GLT1D1: variants seen among roughly 807,000 people sequenced by gnomAD.
The protein encoded by GLT1D1 is glycosyltransferase 1 domain containing 1.
GLT1D1 carries 21 observed loss-of-function variants against 28.7 expected under a neutral mutation model. The ratio of observed to expected loss-of-function variants is 0.73; its 90% CI spans 0.52 to 1.05. The LOEUF is 1.05. Among genes scored for constraint, GLT1D1 ranks in the 50% least tolerant of loss-of-function variants. GLT1D1 has a pLI of 0.00. For synonymous variants in GLT1D1, 147 were observed against 124.8 expected, an observed-to-expected ratio of 1.18 and a Z score of -1.19; for missense variants, 343 against 330.6, an observed-to-expected ratio of 1.04 and a Z score of -0.29.
At chr12:128,927,274 T>C (rs1035487316) in intron 4 of GLT1D1, 120 bp downstream of exon 8, 3 of 783,450 alleles carry the variant, frequency 3.8e-6, no homozygotes, top group East Asian at 5.7e-5. Flanking sequence ...AGTCTTGCTC[T>C]GTCCCCCAGG....
At chr12:128,980,985 C>T (rs1880263758) in intron 7 of GLT1D1, among the ~76,000 whole-genome samples, 1 of 152,206 alleles carries the variant, frequency 6.6e-6, no homozygotes, top group African/African-American at 2.4e-5. Flanking sequence ...CTCACGTCTA[C>T]AGGCGCGTGT....
chr12:128,977,830 G>A (rs1454276478), intron 7 of GLT1D1, among the ~76,000 whole-genome samples: 2 of 149,390 alleles, frequency 1.3e-5, no homozygotes, highest in African/African-American at 5.0e-5. Flanking sequence ...CCAGGCTGGG[G>A]TGCAATGAAT....
chr12:128,904,502 A>G (rs1228529808), intron 4 of GLT1D1, among the ~76,000 whole-genome samples: 1 of 151,754 alleles, frequency 6.6e-6, no homozygotes, highest in Non-Finnish European at 1.5e-5. Context: ...CAAATATTGG[A>G]CTCGGGTAAA....
chr12:128,933,198 A>T (rs960018256), intron 4 of GLT1D1, among the ~76,000 whole-genome samples: 5 of 152,328 alleles, frequency 3.3e-5, no homozygotes, highest in African/African-American at 1.2e-4. Context: ...CCATGTGTCA[A>T]TGCTTTACCA....
At chr12:128,944,418 G>A (rs1593169353) in intron 4 of GLT1D1, 1 of 1,297,408 alleles carries the variant, frequency 7.7e-7, no homozygotes, top group East Asian at 2.4e-5. Context: ...GGCTTTGTTT[G>A]GCTTCATAAG....
intron 7 of GLT1D1, among the ~76,000 whole-genome samples, chr12:128,982,724 G>T (rs576500058): frequency 6.6e-6 from 1 of 150,424 alleles, no homozygotes; most frequent in South Asian, 2.1e-4. Flanking sequence ...GTATGTGTGC[G>T]TGTGTGTGTG....
intron 7 of GLT1D1, among the ~76,000 whole-genome samples, chr12:128,959,465 G>A (rs1293963489): frequency 8.5e-6 from 1 of 118,078 alleles, no homozygotes; most frequent in Non-Finnish European, 1.8e-5. Flanking sequence ...GGGTGGTGGG[G>A]GGGCAGCAAG....
At chr12:128,949,990 A>T (rs1005438073) in intron 6 of GLT1D1, among the ~76,000 whole-genome samples, 9 of 152,082 alleles carry the variant, frequency 5.9e-5, no homozygotes, top group Non-Finnish European at 1.5e-5. Flanking sequence ...TTGAAGTGGG[A>T]TGTGAAGGCA....
chr12:128,957,723 G>A, intron 7 of GLT1D1, 80 bp downstream of exon 11: 1 of 955,912 alleles, frequency 1.0e-6, no homozygotes, highest in East Asian at 2.6e-5. Flanking sequence ...GATTCTTTCT[G>A]TTAGCGCTTA....
chr12:128,976,315 C>T (rs1879757880), intron 7 of GLT1D1, among the ~76,000 whole-genome samples: 1 of 152,216 alleles, frequency 6.6e-6, no homozygotes, highest in Admixed American at 6.5e-5. Flanking sequence ...CACCCTCCAC[C>T]CACCCAATCA....
At chr12:128,960,776 T>G (rs76165765) in intron 7 of GLT1D1, among the ~76,000 whole-genome samples, 2 of 150,966 alleles carry the variant, frequency 1.3e-5, no homozygotes, top group Non-Finnish European at 2.9e-5. Flanking sequence ...AAAAAAAAAT[T>G]AAATATATAT....
chr12:128,863,257 T>C (rs997321452), intron 1 of GLT1D1, among the ~76,000 whole-genome samples: 1 of 152,112 alleles, frequency 6.6e-6, no homozygotes, highest in Non-Finnish European at 1.5e-5. Context: ...GCAAGGCGAG[T>C]CTGTCTGGAT....
chr12:128,977,778 TC>T (rs1555222459), intron 7 of GLT1D1, among the ~76,000 whole-genome samples: 1,071 of 13,262 alleles, frequency 0.081, 6 homozygotes, highest in Admixed American at 0.12. Context: ...TTTTCTTTTT[TC>T]TTTTTTTTTT....
chr12:128,913,285 T>C lies in GLT1D1; in HGVS notation c.375+13998T>C, dbSNP rs927152532. Among the ~76,000 whole-genome samples the C allele has an allele frequency of 4.6e-5, 7 of 152,278 alleles. No individual in the cohort carries two copies. The East Asian group carries it at 1.2e-3, about 25-fold the overall frequency. On this transcript the variant is annotated intron_variant, in intron 4 of 7. Transcript: ENST00000281703. ...CCCAGGCTGGAGTGCAGTGGCGCAATCTTGGTTCACGTCAACCTCCGCCTC... is the reference window on the plus strand; with the variant it reads ...CCCAGGCTGGAGTGCAGTGGCGCAACCTTGGTTCACGTCAACCTCCGCCTC...
intron 4 of GLT1D1, among the ~76,000 whole-genome samples, chr12:128,901,577 C>T (rs1321458906): frequency 6.6e-6 from 1 of 152,086 alleles, no homozygotes; most frequent in East Asian, 1.9e-4. Flanking sequence ...GCTGGGACTA[C>T]AGGCGCCCAC....
intron 3 of GLT1D1, among the ~76,000 whole-genome samples, chr12:128,891,466 T>C (rs1327630705): frequency 6.6e-6 from 1 of 152,214 alleles, no homozygotes; most frequent in Non-Finnish European, 1.5e-5. Context: ...CCCTTTTAAA[T>C]CTTTGAATCA....
intron 3 of GLT1D1, among the ~76,000 whole-genome samples, chr12:128,889,607 T>A (rs745983342): frequency 4.6e-5 from 7 of 152,294 alleles, no homozygotes; most frequent in Non-Finnish European, 8.8e-5. Context: ...AGCGCTGTAC[T>A]TCCCAACTTT....
At chr12:128,888,863 C>A in intron 3 of GLT1D1, 119 bp downstream of exon 3, 1 of 621,608 alleles carries the variant, frequency 1.6e-6, no homozygotes. Flanking sequence ...CACTTAAAAC[C>A]AATTTCATGT....
intron 4 of GLT1D1, among the ~76,000 whole-genome samples, chr12:128,942,731 CTTTG>C (rs777464041): frequency 0.012 from 1,402 of 114,542 alleles, 45 homozygotes; most frequent in Non-Finnish European, 0.016. Flanking sequence ...TTCCAATTTT[CTTTG>C]TTTGTTTGTT....
Sources: allele counts gnomAD v4.1 joint callset (sites outside exome capture counted in the v4.1 genomes callset), GRCh38; gene constraint gnomAD v4.1.1; transcripts MANE v1.5; gene names NCBI Gene and HGNC (gene_info 2026-07-23, HGNC 2026-07-21).